Variants in RAD51 observed in about 807,000 individuals in gnomAD.
RAD51 encodes the protein RAD51 recombinase.
A neutral mutation model predicts 41.5 loss-of-function variants in RAD51; 14 were observed. The ratio of observed to expected loss-of-function variants is 0.34; its 90% CI spans 0.22 to 0.53. The LOEUF is 0.53. Among genes scored for constraint, RAD51 ranks in the 20% least tolerant of loss-of-function variants. The pLI is 0.95. For synonymous variants in RAD51, 136 were observed against 148.6 expected (o/e 0.92, Z 0.62); for missense variants, 234 against 422.0 (o/e 0.55, Z 3.90).
At chr15:40,709,481 C>CA (rs1178746105) in intron 5 of RAD51, among the ~76,000 whole-genome samples, 4 of 144,006 alleles carry the variant, frequency 2.8e-5, no homozygotes, top group Non-Finnish European at 4.5e-5. Context: ...TCAAGTGATT[C>CA]TCCTTCATCA....
chr15:40,704,386 C>G, intron 3 of RAD51, among the ~76,000 whole-genome samples: 1 of 129,796 alleles, frequency 7.7e-6, no homozygotes, highest in Non-Finnish European at 1.6e-5. Flanking sequence ...TTTTCTGATG[C>G]AGTCTCACTC....
intron 1 of RAD51, chr15:40,695,985 C>T (rs1894602177): frequency 6.6e-6 from 1 of 152,194 alleles, no homozygotes; most frequent in African/African-American, 2.4e-5. Flanking sequence ...AGCGATTCTC[C>T]TACCTCAGCC....
intron 5 of RAD51, among the ~76,000 whole-genome samples, chr15:40,711,198 CAGCCTGGGCAACATAGTG>C (rs1221927178): frequency 1.3e-5 from 2 of 152,112 alleles, no homozygotes; most frequent in Non-Finnish European, 2.9e-5. Context: ...AATTTGAGAC[CAGCCTGGGCAACATAGTG>C]AGACCCTGTT....
chr15:40,731,153 A>G lies in RAD51; in HGVS notation c.995A>G (p.Asp332Gly). ...EAEAMFAINA[D>G]GVGDAKD is the part of the protein sequence containing the mutation. ...GAAGCTATGTTCGCCATTAATGCAGATGGAGTGGGAGATGCCAAAGACTGA... is the reference window on the plus strand; with the variant it reads ...GAAGCTATGTTCGCCATTAATGCAGGTGGAGTGGGAGATGCCAAAGACTGA... Residue 332 changes from aspartate to glycine, a missense_variant, in exon 10 of 10, where the codon GAT (aspartate) becomes GGT (glycine). Around this residue, in one of 2 missense-constraint regions of RAD51, gnomAD observed 134 missense variants for 286.5 expected, o/e 0.47. Transcript: ENST00000267868. 6.2e-7 allele frequency: 1 copy of G among 1,614,090 alleles called. No individual in the cohort carries two copies. Among genetic ancestry groups the G allele is most frequent in the African/African-American group, 1.3e-5 (1 of 75,036 alleles).
chr15:40,725,667 A>G (rs766187879), intron 6 of RAD51, among the ~76,000 whole-genome samples: 1 of 152,200 alleles, frequency 6.6e-6, no homozygotes, highest in Non-Finnish European at 1.5e-5. Flanking sequence ...AGAAACAATC[A>G]GATACTCGGG....
intron 6 of RAD51, among the ~76,000 whole-genome samples, chr15:40,719,782 A>C (rs1173289425): frequency 6.6e-6 from 1 of 152,058 alleles, no homozygotes; most frequent in East Asian, 1.9e-4. Flanking sequence ...CAGTGAGCCG[A>C]GATCGCGCCA....
rs1245512398 is a variant in RAD51, at chr15:40,698,635, A to G, written c.-2-122A>G. ...TAAAGCAGGAGAACAGAGAGGCACA[A>G]TAAGAGAATGGCCTTGGCTTTTCCT... is the stretch of plus-strand genomic sequence containing the variant. On this transcript the variant is annotated intron_variant, in intron 1 of 9. Coordinates refer to ENST00000267868, the MANE Select transcript of RAD51 (RefSeq NM_002875.5). 15 of 894,142 alleles carry G rather than the reference A, an allele frequency of 1.7e-5. No homozygotes were observed. The Admixed American group carries it at 2.8e-4, about 16-fold the overall frequency. 55.4% of individuals were successfully genotyped at this position (894,142 alleles called of 1,614,324 possible).
At chr15:40,702,817 T>TA (rs1491126376) in intron 3 of RAD51, among the ~76,000 whole-genome samples, 1 of 106,110 alleles carries the variant, frequency 9.4e-6, no homozygotes, top group African/African-American at 4.5e-5. Flanking sequence ...TGTGCCCACC[T>TA]TTTTTTTTTT....
chr15:40,703,565 T>C (rs1193896420), intron 3 of RAD51, among the ~76,000 whole-genome samples: 2 of 152,200 alleles, frequency 1.3e-5, no homozygotes, highest in Non-Finnish European at 2.9e-5. Context: ...AGTTTATCTT[T>C]CTAAGAATTT....
chr15:40,729,415 CTATGAA>C, intron 7 of RAD51, 84 bp from the exon 8 acceptor site: 1 of 756,516 alleles, frequency 1.3e-6, no homozygotes, highest in Non-Finnish European at 2.2e-6. Flanking sequence ...ACAGGAAAAA[CTATGAA>C]TATGAGATTT....
chr15:40,717,887 A>G (rs1896065038), intron 5 of RAD51, among the ~76,000 whole-genome samples: 1 of 152,184 alleles, frequency 6.6e-6, no homozygotes, highest in South Asian at 2.1e-4. Context: ...ATGGTCTTCC[A>G]AGTTTCTGTA....
chr15:40,714,960 A>G (rs1895912693), intron 5 of RAD51, among the ~76,000 whole-genome samples: 1 of 151,804 alleles, frequency 6.6e-6, no homozygotes, highest in African/African-American at 2.4e-5. Flanking sequence ...GATTGCTTGA[A>G]CCCAGGAGTT....
Position 40,729,508 on chromosome 15 carries a change from T to C in RAD51, c.648T>C (p.Tyr216=). 4 of 1,613,858 alleles carry C rather than the reference T, an allele frequency of 2.5e-6. No individual in the cohort carries two copies. The highest frequency in any genetic ancestry group is 1.7e-6 in the Non-Finnish European group (2 of 1,179,880). Residue 216 remains tyrosine, a synonymous_variant, in exon 8 of 10, where the codon TAT becomes TAC. Transcript: ENST00000267868. ...QASAMMVESR[Y]ALLIVDSATA... ...AGAGAATCCTTGTTTCCTGTAGGTA[T>C]GCACTGCTTATTGTAGACAGTGCCA...
intron 3 of RAD51, among the ~76,000 whole-genome samples, chr15:40,702,733 G>T (rs954795260): frequency 2.0e-5 from 3 of 151,334 alleles, no homozygotes; most frequent in African/African-American, 7.3e-5. Flanking sequence ...GCCCAGGCTG[G>T]TCTCAAACTC....
intron 6 of RAD51, among the ~76,000 whole-genome samples, chr15:40,720,914 G>T (rs904041596): frequency 1.3e-5 from 2 of 152,192 alleles, no homozygotes; most frequent in African/African-American, 4.8e-5. Context: ...AGGTACTGTG[G>T]TGCACACCTG....
rs374045854 is a variant in RAD51, at chr15:40,729,984, T to G, written c.896+10T>G. 1 of 1,613,926 alleles carries G rather than the reference T, an allele frequency of 6.2e-7. No homozygotes were observed. Among genetic ancestry groups the G allele is most frequent in the East Asian group, 2.2e-5 (1 of 44,882 alleles). On this transcript the variant is annotated intron_variant, in intron 9 of 9. Transcript: ENST00000267868. ...ATGCATCAACAACCAGGTAAGGTGT[T>G]GATGGGATCAGTTCTTCTTTTCGGA...
At chr15:40,699,559 T>C (rs1170524914) in intron 2 of RAD51, among the ~76,000 whole-genome samples, 2 of 152,234 alleles carry the variant, frequency 1.3e-5, no homozygotes, top group African/African-American at 4.8e-5. Flanking sequence ...CTGCTAGGAT[T>C]ACAGGCATGA....
intron 5 of RAD51, among the ~76,000 whole-genome samples, chr15:40,712,238 A>C (rs1243199021): frequency 6.6e-6 from 1 of 152,188 alleles, no homozygotes; most frequent in African/African-American, 2.4e-5. Context: ...ACTGACAATA[A>C]AAAATACACC....
At chr15:40,698,114 C>T (rs1261910398) in intron 1 of RAD51, among the ~76,000 whole-genome samples, 5 of 152,114 alleles carry the variant, frequency 3.3e-5, no homozygotes, top group African/African-American at 9.7e-5. Context: ...TCCTGCCGCC[C>T]CCTGCAACAG....
Sources: gnomAD v4.1 joint callset for allele counts (sites outside exome capture counted in the v4.1 genomes callset) on GRCh38, gnomAD v4.1.1 for gene constraint, gnomAD v4.1.1 regional missense constraint, MANE v1.5 for transcripts, NCBI Gene and HGNC (gene_info 2026-07-23, HGNC 2026-07-21) for gene names.